Variants in RBFOX1 observed in about 807,000 individuals in gnomAD.
RBFOX1 encodes RNA binding protein fox-1 homolog 1.
In RBFOX1, 8 loss-of-function variants were observed where a neutral mutation model predicts 57.7. That is an observed-to-expected ratio of 0.14 (90% CI 0.08 to 0.25). RBFOX1 has a LOEUF of 0.25. Ranked by LOEUF, RBFOX1 falls within the 10% of genes least tolerant of loss-of-function variation. RBFOX1 has a pLI of 1.00. For missense variants in RBFOX1, 611 were observed against 548.5 expected (o/e 1.11, Z -1.14); for synonymous variants, 326 against 222.4 (o/e 1.47, Z -4.15).
intron 6 of RBFOX1, among the ~76,000 whole-genome samples, chr16:7,585,645 TAGTC>T (rs2094071361): frequency 6.6e-6 from 1 of 152,232 alleles, no homozygotes; most frequent in Non-Finnish European, 1.5e-5. Context: ...CTTTGTCCCA[TAGTC>T]AGAACTATTT....
chr16:6,458,466 C>T (rs184214469), intron 2 of RBFOX1, among the ~76,000 whole-genome samples: 4 of 152,322 alleles, frequency 2.6e-5, no homozygotes, highest in Admixed American at 2.6e-4. Flanking sequence ...AAGAGCTTGC[C>T]ATGACACCAG....
At position 6,558,945 on chromosome 16, in the gene RBFOX1, C is replaced by T. The variant is rs147582464; in HGVS notation, c.-63-95658C>T. ...CTCACCACAACCTTTGCAGAGTTAGCTTTTACTTCTCCTTTCACTCTCTAC... is the reference window on the plus strand; with the variant it reads ...CTCACCACAACCTTTGCAGAGTTAGTTTTTACTTCTCCTTTCACTCTCTAC... On this transcript the variant is annotated intron_variant, in intron 2 of 15. Coordinates refer to ENST00000550418, the MANE Select transcript of RBFOX1 (RefSeq NM_018723.4). 1.1e-3 allele frequency among the ~76,000 whole-genome samples: 165 copies of T among 152,214 alleles called. 1 individual carries two copies. Among genetic ancestry groups the T allele is most frequent in the African/African-American group, 3.6e-3 (150 of 41,548 alleles).
intron 1 of RBFOX1, among the ~76,000 whole-genome samples, chr16:5,338,195 A>G (rs1236120530): frequency 1.3e-5 from 2 of 152,318 alleles, no homozygotes; most frequent in African/African-American, 4.8e-5. Context: ...TTCTATGAGA[A>G]CATGATCTCA....
At chr16:7,664,178 G>A (rs2068559037) in intron 12 of RBFOX1, among the ~76,000 whole-genome samples, 1 of 152,152 alleles carries the variant, frequency 6.6e-6, no homozygotes, top group Admixed American at 6.5e-5. Flanking sequence ...ATATATACAT[G>A]TTTACATACG....
chr16:6,706,996 C>T (rs1368913985), intron 3 of RBFOX1, among the ~76,000 whole-genome samples: 2 of 152,016 alleles, frequency 1.3e-5, no homozygotes, highest in Non-Finnish European at 2.9e-5. Flanking sequence ...AAATGTGGAA[C>T]AGCACAGAGA....
rs555639859 is a variant in RBFOX1, at chr16:5,870,204, C to G, written c.351+2869C>G. Among the ~76,000 whole-genome samples, 295 of 150,014 alleles carry G rather than the reference C, an allele frequency of 2.0e-3. 1 individual carries two copies. The highest frequency in any genetic ancestry group is 6.9e-3 in the African/African-American group (285 of 41,010). Reference sequence around the variant, plus strand: ...CATTCATCTCTGATGATAAAAGTAGCAATAGTGGTTACCTCTGGGAGGCGT... The same window carrying G: ...CATTCATCTCTGATGATAAAAGTAGGAATAGTGGTTACCTCTGGGAGGCGT... On this transcript the variant is annotated intron_variant, in intron 4 of 19. Coordinates refer to the RBFOX1 transcript ENST00000641259.
chr16:6,123,772 G>A (rs1051953484), intron 1 of RBFOX1, among the ~76,000 whole-genome samples: 3 of 152,136 alleles, frequency 2.0e-5, no homozygotes, highest in African/African-American at 7.2e-5. Context: ...CGGCATGTTG[G>A]CACATGCCTG....
intron 4 of RBFOX1, among the ~76,000 whole-genome samples, chr16:7,174,744 C>T (rs990263433): frequency 6.6e-6 from 1 of 152,222 alleles, no homozygotes; most frequent in African/African-American, 2.4e-5. Context: ...TGCGCCATTG[C>T]ACTCCAGACT....
At chr16:6,600,979 T>C (rs529467680) in intron 2 of RBFOX1, among the ~76,000 whole-genome samples, 1 of 152,266 alleles carries the variant, frequency 6.6e-6, no homozygotes, top group African/African-American at 2.4e-5. Flanking sequence ...TAAATGTGAT[T>C]ATAGTCAGAG....
intron 2 of RBFOX1, among the ~76,000 whole-genome samples, chr16:6,438,865 C>T (rs1432201043): frequency 6.6e-6 from 1 of 152,134 alleles, no homozygotes; most frequent in Non-Finnish European, 1.5e-5. Flanking sequence ...TAACATTGTG[C>T]ATGGTACTTT....
Position 6,618,472 on chromosome 16 carries a change from A to T in RBFOX1, c.-63-36131A>T, listed in dbSNP as rs115476910. Among the ~76,000 whole-genome samples the T allele has an allele frequency of 5.9e-3, 895 of 152,320 alleles. 9 individuals carry two copies. Among genetic ancestry groups the T allele is most frequent in the Non-Finnish European group, 8.4e-3 (570 of 68,034 alleles). ...AGTCCTACATTCTGATAATAGTAGC[A>T]CACACTTCCTGATGTTCATTATACA... On this transcript the variant is annotated intron_variant, in intron 2 of 15. Transcript: ENST00000550418.
chr16:5,539,877 G>A (rs951051897), intron 2 of RBFOX1, among the ~76,000 whole-genome samples: 7 of 152,198 alleles, frequency 4.6e-5, no homozygotes, highest in Admixed American at 1.3e-4. Flanking sequence ...GGTCACAAAT[G>A]AAGTAGGAAT....
chr16:7,189,676 C>G (rs2084896398), intron 4 of RBFOX1, among the ~76,000 whole-genome samples: 1 of 151,980 alleles, frequency 6.6e-6, no homozygotes, highest in African/African-American at 2.4e-5. Context: ...TAGCCTACCA[C>G]TGGGAAAAAG....
At chr16:6,898,976 GTGTA>G (rs1422730171) in intron 3 of RBFOX1, among the ~76,000 whole-genome samples, 4 of 150,724 alleles carry the variant, frequency 2.7e-5, no homozygotes, top group Non-Finnish European at 5.9e-5. Flanking sequence ...TGTATGATGT[GTGTA>G]TGTGTGCATA....
intron 3 of RBFOX1, among the ~76,000 whole-genome samples, chr16:5,685,902 C>A (rs880631): frequency 0.58 from 87,567 of 152,062 alleles, 28,791 homozygotes; most frequent in Non-Finnish European, 0.75. Context: ...TTCATTGCAG[C>A]AATGTTTGTC....
intron 2 of RBFOX1, among the ~76,000 whole-genome samples, chr16:5,539,090 A>G (rs1055592206): frequency 1.3e-4 from 20 of 152,186 alleles, no homozygotes; most frequent in Admixed American, 7.9e-4. Context: ...CCTGCCTTTC[A>G]GACTCTCTTG....
intron 2 of RBFOX1, among the ~76,000 whole-genome samples, chr16:5,471,664 C>T (rs1042122528): frequency 6.6e-6 from 1 of 152,216 alleles, no homozygotes; most frequent in Admixed American, 6.5e-5. Flanking sequence ...CCCAGGTCCT[C>T]ACTCCTGAGT....
chr16:7,119,367 A>G (rs756787148), intron 4 of RBFOX1, among the ~76,000 whole-genome samples: 1 of 152,156 alleles, frequency 6.6e-6, no homozygotes. Context: ...GGTGGCCATG[A>G]TGCCAGCCTC....
chr16:5,338,033 G>A (rs547637770), intron 1 of RBFOX1, among the ~76,000 whole-genome samples: 45 of 152,284 alleles, frequency 3.0e-4, no homozygotes, highest in Non-Finnish European at 6.2e-4. Context: ...AACAAAGTGA[G>A]TCCTTGTCTC....
Sources: allele counts gnomAD v4.1 joint callset (sites outside exome capture counted in the v4.1 genomes callset), GRCh38; gene constraint gnomAD v4.1.1; transcripts MANE v1.5; gene names NCBI Gene and HGNC (gene_info 2026-07-23, HGNC 2026-07-21).